USP42: variants seen among roughly 807,000 people sequenced by gnomAD.
USP42 encodes the protein ubiquitin carboxyl-terminal hydrolase 42.
Under a neutral mutation model 113.0 loss-of-function variants are expected in USP42, and 23 were observed. That is an observed-to-expected ratio of 0.20 (90% CI 0.15 to 0.29). The LOEUF (loss-of-function observed/expected upper bound fraction) is 0.29, where lower values mean the gene tolerates loss of function less well. Ranked by LOEUF, USP42 falls within the 10% of genes least tolerant of loss-of-function variation. The probability of loss-of-function intolerance (pLI) is 1.00; values close to 1 mark genes in which losing one functional copy is unlikely to be tolerated. For synonymous variants in USP42, 933 were observed against 699.0 expected (o/e 1.33, Z -5.28); for missense variants, 2,174 against 1,779.8 (o/e 1.22, Z -3.99).
At chr7:6,151,798 C>T (rs12533067) in intron 14 of USP42, among the ~76,000 whole-genome samples, 9,208 of 152,056 alleles carry the variant, frequency 0.061, 548 homozygotes, top group East Asian at 0.28. Flanking sequence ...ATGTGCTAGA[C>T]TTCCATGGGA....
chr7:6,092,099 C>T, the USP42 span, among the ~76,000 whole-genome samples: 1 of 136,342 alleles, frequency 7.3e-6, no homozygotes, highest in African/African-American at 3.0e-5. Context: ...TCTTCTTCCT[C>T]CTCTTCTTCT....
chr7:6,100,926 C>T (rs1790107399), upstream of USP42, among the ~76,000 whole-genome samples: 1 of 150,840 alleles, frequency 6.6e-6, no homozygotes. Flanking sequence ...CCTTGGCCTC[C>T]CAAAGGGCTG....
At chr7:6,103,302 G>C (rs1336047856), upstream of USP42, among the ~76,000 whole-genome samples, 7 of 150,908 alleles carry the variant, frequency 4.6e-5, no homozygotes, top group Non-Finnish European at 8.8e-5. Context: ...TTCAGAGCCA[G>C]GTTTAAAATT....
At chr7:6,108,595 C>G (rs1418037392) in intron 1 of USP42, among the ~76,000 whole-genome samples, 1 of 152,120 alleles carries the variant, frequency 6.6e-6, no homozygotes, top group Non-Finnish European at 1.5e-5. Flanking sequence ...ATTCTCCTAC[C>G]TCAGCTTCCC....
At chr7:6,143,109 T>A in intron 8 of USP42, 95 bp downstream of exon 8, 1 of 1,295,382 alleles carries the variant, frequency 7.7e-7, no homozygotes, top group Non-Finnish European at 1.1e-6. Flanking sequence ...TCTAGGTTGC[T>A]TGAGTTTCTG....
At chr7:6,142,652 G>T (rs1444070257) in intron 7 of USP42, among the ~76,000 whole-genome samples, 3 of 152,202 alleles carry the variant, frequency 2.0e-5, no homozygotes, top group Non-Finnish European at 4.4e-5. Context: ...GGAGGTCGAG[G>T]TGGGAGGATC....
At chr7:6,103,452 G>A (rs1310762453), upstream of USP42, among the ~76,000 whole-genome samples, 1 of 150,152 alleles carries the variant, frequency 6.7e-6, no homozygotes, top group East Asian at 1.9e-4. Context: ...AGGAGGCACA[G>A]GTTGCAGTGA....
At chr7:6,122,159 A>C (rs1430591503) in intron 3 of USP42, among the ~76,000 whole-genome samples, 1 of 152,042 alleles carries the variant, frequency 6.6e-6, no homozygotes, top group Non-Finnish European at 1.5e-5. Flanking sequence ...CTTAAGGTGG[A>C]GTCTTAGGTC....
At chr7:6,140,757 TATG>T (rs1288991196) in intron 6 of USP42, among the ~76,000 whole-genome samples, 154 bp from the exon 7 acceptor site, 1 of 152,252 alleles carries the variant, frequency 6.6e-6, no homozygotes, top group African/African-American at 2.4e-5. Context: ...TCACCCATAT[TATG>T]AGTAGTATTA....
the USP42 span, among the ~76,000 whole-genome samples, chr7:6,092,442 G>A: frequency 6.6e-6 from 1 of 150,848 alleles, no homozygotes; most frequent in Admixed American, 6.6e-5. Context: ...GGCTCTCAAA[G>A]TTCTGGGATT....
At chr7:6,092,041 C>CCTCTTCTT in the USP42 span, among the ~76,000 whole-genome samples, 2 of 94,858 alleles carry the variant, frequency 2.1e-5, 1 homozygote, top group Non-Finnish European at 4.6e-5. Context: ...TCTTCTTCTT[C>CCTCTTCTT]TTCTTCTTCT....
intron 3 of USP42, among the ~76,000 whole-genome samples, chr7:6,131,603 G>C (rs1780855019): frequency 6.6e-6 from 1 of 152,192 alleles, no homozygotes; most frequent in African/African-American, 2.4e-5. Flanking sequence ...CCTTTGGCTG[G>C]AGAGAGTGGG....
Position 6,154,880 on chromosome 7 carries a change from G to C in USP42, c.3326G>C (p.Arg1109Thr), listed in dbSNP as rs1357641054. Residue 1109 changes from arginine (R) to threonine (T), a missense_variant, in exon 15 of 18, where the codon AGG becomes ACG. Transcript: ENST00000306177. ...GRRGCEPARE[R>T]ERHRPSSPRA... is the part of the protein sequence containing the mutation. ...AGGGGCTGCGAGCCGGCCCGGGAGA[G>C]GGAGCGGCACCGCCCCAGCAGCCCC... is the stretch of plus-strand genomic sequence containing the variant. 11 of 1,528,814 alleles carry C rather than the reference G, an allele frequency of 7.2e-6. No individual in the cohort carries two copies. Among genetic ancestry groups the C allele is most frequent in the Non-Finnish European group, 9.7e-6 (11 of 1,136,596 alleles). 94.7% of individuals were successfully genotyped at this position (1,528,814 alleles called of 1,614,324 possible).
At position 6,150,383 on chromosome 7, in the gene USP42, A is replaced by T. The variant is rs374438551; in HGVS notation, c.2107-29A>T. ...TCAGGAGGCATGGAGCTGGCGACTGAAGCTGAAATATTTTTGTTTTTATTG... is the reference window on the plus strand; with the variant it reads ...TCAGGAGGCATGGAGCTGGCGACTGTAGCTGAAATATTTTTGTTTTTATTG... On this transcript the variant is annotated intron_variant, in intron 13 of 17. Coordinates refer to ENST00000306177, the MANE Select transcript of USP42 (RefSeq NM_032172.3). 7.3e-4 allele frequency: 1,181 copies of T among 1,612,278 alleles called. 7 individuals carry two copies. The African/African-American group carries it at 0.014, about 19-fold the overall frequency.
intron 7 of USP42, among the ~76,000 whole-genome samples, chr7:6,142,443 C>T (rs1475145089): frequency 6.6e-6 from 1 of 152,130 alleles, no homozygotes; most frequent in Non-Finnish European, 1.5e-5. Context: ...GTCTGGATCT[C>T]CTGACCTCAT....
In USP42 at chr7:6,145,521, G is replaced by C; in HGVS notation, c.996G>C (p.Val332=). The C allele has an allele frequency of 6.2e-7, 1 of 1,613,910 alleles. No individual in the cohort carries two copies. The highest frequency in any genetic ancestry group is 8.5e-7 in the Non-Finnish European group (1 of 1,179,866). ...CTGTTTCCATTTCCTTCTAGGATGT[G>C]AAATACCCTGAGTATCTTGATATTC... ...NFTGGKIAKD[V]KYPEYLDIRP... Residue 332 remains valine (V), a synonymous_variant, in exon 10 of 18, where the codon GTG becomes GTC. Transcript: ENST00000306177.
At position 6,154,450 on chromosome 7, in the gene USP42, G is replaced by A. The variant is rs370777533; in HGVS notation, c.2896G>A (p.Ala966Thr). 2 of 1,565,270 alleles carry A rather than the reference G, an allele frequency of 1.3e-6. No individual in the cohort carries two copies. The highest frequency in any genetic ancestry group is 2.4e-5 in the East Asian group (1 of 41,902). The change falls in exon 15 of 18, where the codon GCC becomes ACC. Residue 966 changes from alanine (A) to threonine (T), a missense_variant. Physicochemically the swap from Ala to Thr is moderately conservative, Grantham distance 58. Coordinates refer to ENST00000306177, the MANE Select transcript of USP42 (RefSeq NM_032172.3). ...RRERSSSGEP[A>T]RESRSKTEGH... is the part of the protein sequence containing the mutation. ...AGAGCGCTCGTCCAGCGGGGAGCCC[G>A]CCAGAGAGAGCAGGAGCAAGACTGA...
rs1228169335 is a variant in USP42 at position 6,125,690 on chromosome 7, TG to T, written c.443-10150del. ...CATTTCTGTTTACCTACTTGTTTAC[TG>T]TTTTCACTGCTTTTCATTCCTTTTT... On this transcript the variant is annotated intron_variant, in intron 3 of 17. Transcript: ENST00000306177. Among the ~76,000 whole-genome samples the T allele has an allele frequency of 2.4e-4, 37 of 152,350 alleles. 1 individual carries two copies. Among genetic ancestry groups the T allele is most frequent in the Admixed American group, 1.8e-3 (27 of 15,292 alleles).
the USP42 span, among the ~76,000 whole-genome samples, chr7:6,099,095 G>T: frequency 9.4e-5 from 14 of 149,554 alleles, no homozygotes; most frequent in Non-Finnish European, 1.6e-4. Context: ...CCTCTGCCTG[G>T]TTTTCAGGAC....
Sources: gnomAD v4.1 joint callset for allele counts (sites outside exome capture counted in the v4.1 genomes callset) on GRCh38, gnomAD v4.1.1 for gene constraint, MANE v1.5 for transcripts, NCBI Gene and HGNC (gene_info 2026-07-23, HGNC 2026-07-21) for gene names.